PIGQ: variants seen among roughly 807,000 people sequenced by gnomAD.
The protein encoded by PIGQ is phosphatidylinositol glycan anchor biosynthesis class Q.
In PIGQ, 54 loss-of-function variants were observed where a neutral mutation model predicts 60.3. The observed-to-expected ratio is 0.90, with a 90% CI of 0.72 to 1.12. The LOEUF (loss-of-function observed/expected upper bound fraction) is 1.12, where lower values mean the gene tolerates loss of function less well. Ranked by LOEUF, PIGQ falls within the 50% of genes most tolerant of loss-of-function variation. The pLI is 0.00. For synonymous variants in PIGQ, 416 were observed against 363.7 expected (o/e 1.14, Z -1.64); for missense variants, 799 against 793.5 (o/e 1.01, Z -0.08).
At chr16:577,313 C>G (rs956973067) in intron 4 of PIGQ, 1 of 152,294 alleles carries the variant, frequency 6.6e-6, no homozygotes, top group South Asian at 2.1e-4. Context: ...GGTGGTGGCT[C>G]ATGCCTGTAA....
At chr16:570,896 C>G (rs1459581965) in intron 1 of PIGQ, 1 of 152,394 alleles carries the variant, frequency 6.6e-6, no homozygotes, top group Non-Finnish European at 1.5e-5. Flanking sequence ...CCCCCATTCC[C>G]TCATTCACGG....
At position 578,822 on chromosome 16, in the gene PIGQ, C is replaced by A; in HGVS notation, c.1107C>A (p.Ile369=). The A allele has an allele frequency of 1.9e-6, 3 of 1,613,816 alleles. No homozygotes were observed. The highest frequency in any genetic ancestry group is 2.5e-6 in the Non-Finnish European group (3 of 1,179,968). The change falls in exon 6 of 11, where the codon ATC becomes ATA. Residue 369 remains isoleucine, a synonymous_variant. Coordinates refer to ENST00000321878, the MANE Select transcript of PIGQ (RefSeq NM_004204.5). ...IHLMSPFVEH[I]LWHVGLSACL... is the part of the protein sequence containing the mutation. ...TCATGTCCCCCTTCGTGGAGCACAT[C>A]CTTTGGCACGTGGGCCTCTCGGCCT...
chr16:581,493 C>G (rs1326419698), intron 9 of PIGQ, among the ~76,000 whole-genome samples: 1 of 151,694 alleles, frequency 6.6e-6, no homozygotes, highest in African/African-American at 2.4e-5. Flanking sequence ...GACGGAGTCT[C>G]ACTTTGTCGC....
intron 1 of PIGQ, among the ~76,000 whole-genome samples, chr16:573,110 G>A (rs908645647): frequency 1.1e-4 from 17 of 152,172 alleles, no homozygotes; most frequent in Admixed American, 3.9e-4. Context: ...GCATGGCTCC[G>A]CAGGGGCCTG....
rs1238796286 is a variant in PIGQ at position 583,728 on chromosome 16, T to TA, written c.*694dup. 1 of 1,427,444 alleles carries TA rather than the reference T, an allele frequency of 7.0e-7. No individual in the cohort carries two copies. The highest frequency in any genetic ancestry group is 9.8e-7 in the Non-Finnish European group (1 of 1,021,970). 88.4% of individuals were successfully genotyped at this position (1,427,444 alleles called of 1,614,324 possible). A position where few individuals can be genotyped will look rare whatever the true frequency, so the allele number is the denominator to read the frequency against. ...GCCCGCCCACTGACCCAGCCGTACC[T>TA]ATTCGTCCACGGTGCCCCGTAGCAG... On this transcript the variant is annotated 3_prime_UTR_variant, in exon 11 of 11. Transcript: ENST00000321878.
rs1051743145 is a variant in PIGQ at position 582,747 on chromosome 16, G to T, written c.1594-136G>T. 1.0e-5 allele frequency: 10 copies of T among 966,238 alleles called. No homozygotes were observed. The Admixed American group carries it at 1.1e-4, about 11-fold the overall frequency. 59.9% of individuals were successfully genotyped at this position (966,238 alleles called of 1,614,324 possible). A position where few individuals can be genotyped will look rare whatever the true frequency, so the allele number is the denominator to read the frequency against. Reference sequence around the variant, plus strand: ...GCTCACTTGCCTCCTTGGGAACTGGGACTGGCTTCTCCCACAGGCAAGGGA... The same window carrying T: ...GCTCACTTGCCTCCTTGGGAACTGGTACTGGCTTCTCCCACAGGCAAGGGA... On this transcript the variant is annotated intron_variant, in intron 10 of 10. Transcript: ENST00000321878.
chr16:579,010 T>TGGGGCG (rs1567176771), intron 6 of PIGQ, 59 bp from the exon 7 acceptor site: 18 of 427,044 alleles, frequency 4.2e-5, no homozygotes, highest in Middle Eastern at 4.7e-4. Flanking sequence ...GGCGTTCGAG[T>TGGGGCG]GGGGCGGGGG....
chr16:581,084 G>A (rs965198588), intron 9 of PIGQ, 112 bp downstream of exon 9: 9 of 1,360,176 alleles, frequency 6.6e-6, no homozygotes, highest in Non-Finnish European at 8.3e-6. Context: ...CCTGGAAGCC[G>A]TGGTATGCAT....
At chr16:582,349 C>G (rs1340594956) in intron 10 of PIGQ, 40 bp downstream of exon 10, 1 of 1,482,188 alleles carries the variant, frequency 6.7e-7, no homozygotes, top group African/African-American at 1.4e-5. Context: ...ACGCTGCTGC[C>G]CCTGTTCTGG....
At chr16:573,090 C>G (rs960280091) in intron 1 of PIGQ, among the ~76,000 whole-genome samples, 3 of 152,220 alleles carry the variant, frequency 2.0e-5, no homozygotes, top group Non-Finnish European at 4.4e-5. Context: ...AGAAGGAGCC[C>G]CAGCTGGCTG....
In PIGQ at chr16:579,208, G is replaced by C. The variant is rs766707895; in HGVS notation, c.1335+28G>C. On this transcript the variant is annotated intron_variant, in intron 7 of 10. Coordinates refer to ENST00000321878, the MANE Select transcript of PIGQ (RefSeq NM_004204.5). ...ATGGGGCAGGGTTCGTGGCTGGAGGGGCTGACTGCCTCCGGCCTGTGCCCG... is the reference window on the plus strand; with the variant it reads ...ATGGGGCAGGGTTCGTGGCTGGAGGCGCTGACTGCCTCCGGCCTGTGCCCG... 3 of 1,562,682 alleles carry C rather than the reference G, an allele frequency of 1.9e-6. No homozygotes were observed. In the South Asian group the frequency reaches 3.3e-5, roughly 17 times the overall value.
In PIGQ at chr16:574,386, C is replaced by T; in HGVS notation, c.312C>T (p.Phe104=). Residue 104 remains phenylalanine, a synonymous_variant, in exon 2 of 11, where the codon TTC becomes TTT. Coordinates refer to ENST00000321878, the MANE Select transcript of PIGQ (RefSeq NM_004204.5). ...LRLCRERGGT[F]WSCEATHRQA... is the part of the protein sequence containing the mutation. Reference sequence around the variant, plus strand: ...TGTGCCGGGAGAGAGGCGGCACGTTCTGGAGCTGCGAGGCCACCCACCGGC... The same window carrying T: ...TGTGCCGGGAGAGAGGCGGCACGTTTTGGAGCTGCGAGGCCACCCACCGGC... 6.2e-7 allele frequency: 1 copy of T among 1,610,478 alleles called. No homozygotes were observed. The highest frequency in any genetic ancestry group is 8.5e-7 in the Non-Finnish European group (1 of 1,179,284).
intron 1 of PIGQ, among the ~76,000 whole-genome samples, chr16:572,989 A>G (rs569245805): frequency 6.6e-6 from 1 of 152,342 alleles, no homozygotes; most frequent in African/African-American, 2.4e-5. Flanking sequence ...TGTCTGAGGA[A>G]GGCGAGCGGC....
intron 7 of PIGQ, 115 bp from the exon 8 acceptor site, chr16:580,068 C>T: frequency 1.4e-6 from 1 of 699,058 alleles, no homozygotes; most frequent in Non-Finnish European, 2.4e-6. Flanking sequence ...TCCCGAGTTC[C>T]CTCAGGAAGC....
At chr16:576,659 C>T (rs2035724686) in intron 4 of PIGQ, 2 of 443,146 alleles carry the variant, frequency 4.5e-6, no homozygotes, top group South Asian at 7.3e-5. Flanking sequence ...TGCAGCCCAG[C>T]TGGGACTTCC....
intron 4 of PIGQ, 73 bp from the exon 5 acceptor site, chr16:578,306 C>T (rs1198425300): frequency 6.0e-6 from 9 of 1,512,058 alleles, no homozygotes; most frequent in Non-Finnish European, 7.1e-6. Flanking sequence ...GAGCCCATCA[C>T]GAAAGAGCCT....
rs1360806872 is a variant in PIGQ at position 579,079 on chromosome 16, C to T, written c.1234C>T (p.Leu412=). 3 of 1,612,394 alleles carry T rather than the reference C, an allele frequency of 1.9e-6. No homozygotes were observed. The highest frequency in any genetic ancestry group is 2.7e-5 in the African/African-American group (2 of 74,918). ...CACTGCGTCCTGTAGGCTGTACTGC[C>T]TGAAGATCCATGGCCTGTCCTCACT... ...FYVYGARLYC[L]KIHGLSSLWR... is the part of the protein sequence containing the mutation. Residue 412 remains leucine, a synonymous_variant, in exon 7 of 11, where the codon CTG becomes TTG. Coordinates refer to ENST00000321878, the MANE Select transcript of PIGQ (RefSeq NM_004204.5).
Position 579,067 on chromosome 16 carries a change from A to G in PIGQ, c.1224-2A>G, listed in dbSNP as rs1178354286. ...CGGGCCCGACAGCACTGCGTCCTGT[A>G]GGCTGTACTGCCTGAAGATCCATGG... On this transcript the variant is annotated splice_acceptor_variant, in intron 6 of 10. Transcript: ENST00000321878. LOFTEE classifies it high-confidence loss of function. The G allele has an allele frequency of 6.2e-7, 1 of 1,611,460 alleles. No homozygotes were observed. Among genetic ancestry groups the G allele is most frequent in the Admixed American group, 1.7e-5 (1 of 60,012 alleles).
intron 4 of PIGQ, chr16:578,034 G>A (rs1003000527): frequency 3.3e-5 from 8 of 239,604 alleles, no homozygotes; most frequent in African/African-American, 1.1e-4. Context: ...AGGCCTCAGT[G>A]CGTCCACGTG....
Sources: allele counts gnomAD v4.1 joint callset (sites outside exome capture counted in the v4.1 genomes callset), GRCh38; gene constraint gnomAD v4.1.1; transcripts MANE v1.5; gene names NCBI Gene and HGNC (gene_info 2026-07-23, HGNC 2026-07-21).